The following CLSTN2 variants were observed in gnomAD, a reference collection of about 807,000 sequenced individuals.
The protein encoded by CLSTN2 is calsyntenin 2.
In CLSTN2, 48 loss-of-function variants were observed where a neutral mutation model predicts 101.2. The observed-to-expected ratio is 0.47, with a 90% CI of 0.38 to 0.60. CLSTN2 has a LOEUF of 0.60. CLSTN2 is among the 20% of genes least tolerant of loss of function. The pLI, the probability that CLSTN2 is intolerant of heterozygous loss-of-function variation, is 0.00. For missense variants in CLSTN2, 1,160 were observed against 1,238.2 expected (o/e 0.94, Z 0.95); for synonymous variants, 481 against 463.6 (o/e 1.04, Z -0.48).
intron 2 of CLSTN2, among the ~76,000 whole-genome samples, chr3:140,248,854 A>G (rs923976732): frequency 3.3e-5 from 5 of 152,206 alleles, no homozygotes; most frequent in African/African-American, 1.2e-4. Context: ...CAATTCTCCC[A>G]CTAAGTAACT....
intron 1 of CLSTN2, among the ~76,000 whole-genome samples, chr3:139,946,377 G>C (rs1935214469): frequency 6.6e-6 from 1 of 152,182 alleles, no homozygotes; most frequent in Non-Finnish European, 1.5e-5. Flanking sequence ...TGGGTTTGGT[G>C]GTAGACAGGG....
chr3:140,309,598 A>C (rs940440464), intron 2 of CLSTN2, among the ~76,000 whole-genome samples: 1 of 152,072 alleles, frequency 6.6e-6, no homozygotes, highest in East Asian at 1.9e-4. Flanking sequence ...GGACCTGTGG[A>C]TTCCAGCAGA....
chr3:140,113,668 C>CCTT (rs2009192532), intron 1 of CLSTN2, among the ~76,000 whole-genome samples: 1 of 152,304 alleles, frequency 6.6e-6, no homozygotes, highest in South Asian at 2.1e-4. Flanking sequence ...ATCTTACTTA[C>CCTT]CTTCATATTA....
At chr3:140,218,607 A>G (rs566381565) in intron 2 of CLSTN2, among the ~76,000 whole-genome samples, 1 of 152,340 alleles carries the variant, frequency 6.6e-6, no homozygotes, top group East Asian at 1.9e-4. Context: ...TGATTTTTAC[A>G]TATCAGCAAC....
chr3:140,326,222 A>G (rs1297854278), intron 2 of CLSTN2, among the ~76,000 whole-genome samples: 1 of 152,160 alleles, frequency 6.6e-6, no homozygotes, highest in Non-Finnish European at 1.5e-5. Context: ...CCCAAACCAT[A>G]CTTTCCTGCC....
At chr3:140,498,805 A>T (rs1359670418) in intron 8 of CLSTN2, among the ~76,000 whole-genome samples, 1 of 152,078 alleles carries the variant, frequency 6.6e-6, no homozygotes, top group Non-Finnish European at 1.5e-5. Context: ...ACTTGAATGG[A>T]ATGTCTCAGG....
chr3:140,514,707 T>G (rs1422847618), intron 8 of CLSTN2, among the ~76,000 whole-genome samples: 1 of 152,184 alleles, frequency 6.6e-6, no homozygotes, highest in Non-Finnish European at 1.5e-5. Flanking sequence ...ATCTCTACAC[T>G]GTTTTCCATA....
chr3:140,388,917 A>G (rs2088082089), intron 2 of CLSTN2, among the ~76,000 whole-genome samples: 1 of 152,090 alleles, frequency 6.6e-6, no homozygotes, highest in South Asian at 2.1e-4. Flanking sequence ...GTTATTATAT[A>G]TGAATGTTAA....
chr3:140,357,253 T>G (rs1032636163), intron 2 of CLSTN2, among the ~76,000 whole-genome samples: 1 of 152,242 alleles, frequency 6.6e-6, no homozygotes, highest in African/African-American at 2.4e-5. Flanking sequence ...ATATTCATTA[T>G]AGCCCACGAA....
At chr3:139,949,625 A>G (rs1192723156) in intron 1 of CLSTN2, among the ~76,000 whole-genome samples, 2 of 152,278 alleles carry the variant, frequency 1.3e-5, no homozygotes, top group Middle Eastern at 3.4e-3. Flanking sequence ...CAGAGTGTGC[A>G]CCCTTCCTGG....
intron 8 of CLSTN2, among the ~76,000 whole-genome samples, chr3:140,503,857 G>A (rs1369121540): frequency 2.0e-5 from 3 of 152,192 alleles, no homozygotes; most frequent in Non-Finnish European, 4.4e-5. Flanking sequence ...CCCACAGTAT[G>A]TGGCATAGTG....
chr3:140,179,192 T>G (rs974258093), intron 2 of CLSTN2, among the ~76,000 whole-genome samples: 20 of 152,184 alleles, frequency 1.3e-4, no homozygotes, highest in Non-Finnish European at 2.6e-4. Context: ...ATACAAGTAT[T>G]TATTGTAGAA....
intron 6 of CLSTN2, chr3:140,454,196 C>A (rs1443617539): frequency 2.0e-5 from 3 of 152,178 alleles, no homozygotes; most frequent in Non-Finnish European, 4.4e-5. Flanking sequence ...TTATTTCTTG[C>A]AGGTCATTTA....
intron 5 of CLSTN2, among the ~76,000 whole-genome samples, chr3:140,436,614 C>T (rs1217722804): frequency 6.6e-6 from 1 of 152,222 alleles, no homozygotes; most frequent in Non-Finnish European, 1.5e-5. Context: ...TGGGTGTTCC[C>T]TGGTCAGGTG....
intron 2 of CLSTN2, among the ~76,000 whole-genome samples, chr3:140,363,723 A>T (rs2087754890): frequency 6.6e-6 from 1 of 152,186 alleles, no homozygotes; most frequent in Non-Finnish European, 1.5e-5. Context: ...CCCTATCCTA[A>T]GGGCAATGGG....
intron 1 of CLSTN2, among the ~76,000 whole-genome samples, chr3:140,038,045 C>A (rs1225847114): frequency 6.6e-6 from 1 of 152,200 alleles, no homozygotes; most frequent in Admixed American, 6.5e-5. Flanking sequence ...GATTTATATT[C>A]CTTTGGGTAT....
rs1387138563 is a variant in CLSTN2 at position 140,459,506 on chromosome 3, C to T, written c.974-15C>T. On this transcript the variant is annotated splice_polypyrimidine_tract_variant and intron_variant, in intron 6 of 16. Coordinates refer to ENST00000458420, the MANE Select transcript of CLSTN2 (RefSeq NM_022131.3). ...CATCATGACCTGTTATCCTTTCTTTCCTGACCCTCTGCAGGAGCCTCCTCT... is the reference window on the plus strand; with the variant it reads ...CATCATGACCTGTTATCCTTTCTTTTCTGACCCTCTGCAGGAGCCTCCTCT... The T allele has an allele frequency of 1.2e-6, 2 of 1,613,088 alleles. No homozygotes were observed. The highest frequency in any genetic ancestry group is 2.2e-5 in the South Asian group (2 of 91,004).
At chr3:140,225,917 T>A (rs111546404) in intron 2 of CLSTN2, among the ~76,000 whole-genome samples, 187 of 151,534 alleles carry the variant, frequency 1.2e-3, no homozygotes, top group Admixed American at 3.1e-3. Context: ...TGATTTTTTT[T>A]AAAAAAAAAA....
chr3:139,990,808 C>T (rs774496060), intron 1 of CLSTN2, among the ~76,000 whole-genome samples: 1 of 152,192 alleles, frequency 6.6e-6, no homozygotes, highest in Non-Finnish European at 1.5e-5. Flanking sequence ...GTTTAATTCA[C>T]TTGTTTTCCC....
Sources: allele counts gnomAD v4.1 joint callset (sites outside exome capture counted in the v4.1 genomes callset), GRCh38; gene constraint gnomAD v4.1.1; transcripts MANE v1.5; gene names NCBI Gene and HGNC (gene_info 2026-07-23, HGNC 2026-07-21).